SRGAP3: variants seen among roughly 807,000 people sequenced by gnomAD.
SRGAP3 encodes SLIT-ROBO Rho GTPase-activating protein 3.
SRGAP3 carries 39 observed loss-of-function variants against 121.1 expected under a neutral mutation model. That is an observed-to-expected ratio of 0.32 (90% confidence interval 0.25 to 0.42). SRGAP3 has a LOEUF of 0.42. Among genes scored for constraint, SRGAP3 ranks in the 10% least tolerant of loss-of-function variants. The probability of loss-of-function intolerance (pLI) is 1.00; values close to 1 mark genes in which losing one functional copy is unlikely to be tolerated. For missense variants in SRGAP3, 1,213 were observed against 1,470.6 expected, an observed-to-expected ratio of 0.82 and a Z score of 2.86; for synonymous variants, 601 against 570.0, an observed-to-expected ratio of 1.05 and a Z score of -0.77.
intron 4 of SRGAP3, chr3:9,065,259 A>G (rs777729626): frequency 4.6e-5 from 7 of 152,116 alleles, no homozygotes; most frequent in Non-Finnish European, 1.0e-4. Context: ...TTGCTACTCT[A>G]CTTCCATAAT....
intron 1 of SRGAP3, among the ~76,000 whole-genome samples, chr3:9,204,880 T>C (rs1952208055): frequency 6.6e-6 from 1 of 152,222 alleles, no homozygotes; most frequent in African/African-American, 2.4e-5. Context: ...AACCGCCCTT[T>C]GTGGAGGCAG....
At chr3:9,029,989 AAAT>A (rs200924981) in intron 12 of SRGAP3, among the ~76,000 whole-genome samples, 20 of 147,396 alleles carry the variant, frequency 1.4e-4, no homozygotes, top group East Asian at 6.2e-4. Context: ...AAAAAAAAAA[AAAT>A]TATTTTTTAA....
chr3:9,063,124 CTTTTTT>C (rs766958753), intron 5 of SRGAP3, among the ~76,000 whole-genome samples: 7 of 80,016 alleles, frequency 8.7e-5, no homozygotes, highest in East Asian at 6.8e-4. Flanking sequence ...TAGAGACAAT[CTTTTTT>C]TTTTTTTTTT....
In SRGAP3 at chr3:8,983,759, T is replaced by G. The variant is rs929687030; in HGVS notation, c.*1760A>C. ...GTGTACACAGCTTGCTCACTGATGT[T>G]TGACCTTTATTACCCTATTTTATGG... On this transcript the variant is annotated 3_prime_UTR_variant, in exon 22 of 22. Coordinates refer to ENST00000383836, the MANE Select transcript of SRGAP3 (RefSeq NM_014850.4). The G allele has an allele frequency of 4.3e-6, 1 of 230,406 alleles. No homozygotes were observed. Among genetic ancestry groups the G allele is most frequent in the Admixed American group, 5.7e-5 (1 of 17,698 alleles). 14.3% of individuals were successfully genotyped at this position (230,406 alleles called of 1,614,324 possible).
At chr3:9,290,012 G>A (rs1237386333) in intron 3 of SRGAP3, among the ~76,000 whole-genome samples, 2 of 152,168 alleles carry the variant, frequency 1.3e-5, no homozygotes, top group Admixed American at 1.3e-4. Context: ...TCAGGAGGCT[G>A]AGACAGGAGA....
In SRGAP3 at chr3:8,985,963, G is replaced by C; in HGVS notation, c.2887-31C>G. The C allele has an allele frequency of 6.3e-7, 1 of 1,599,596 alleles. No individual in the cohort carries two copies. Among genetic ancestry groups the C allele is most frequent in the Non-Finnish European group, 8.5e-7 (1 of 1,179,898 alleles). On this transcript the variant is annotated intron_variant, in intron 21 of 21. Transcript: ENST00000383836. This position sits in a 1 kb window ranked among gnomAD's most constrained non-coding sequence, Gnocchi z 5.1. Reference sequence around the variant, plus strand: ...GACAGAGGGAGCTGGGGTCAGCACAGTCTGGAGACCTGGAGTCAGGTCCTT... The same window carrying C: ...GACAGAGGGAGCTGGGGTCAGCACACTCTGGAGACCTGGAGTCAGGTCCTT...
chr3:9,281,041 A>T (rs1455984398), intron 3 of SRGAP3, among the ~76,000 whole-genome samples: 2 of 152,162 alleles, frequency 1.3e-5, no homozygotes, highest in Non-Finnish European at 2.9e-5. Context: ...TCTAGGATTC[A>T]GTGGCAAAAT....
chr3:9,172,084 TTTTC>T (rs1474934946), intron 1 of SRGAP3, among the ~76,000 whole-genome samples: 2 of 109,370 alleles, frequency 1.8e-5, no homozygotes, highest in African/African-American at 5.5e-5. Context: ...CCAAATGACT[TTTTC>T]TTTTCTTTTT....
chr3:9,181,694 C>T (rs1330061743), intron 1 of SRGAP3, among the ~76,000 whole-genome samples: 1 of 152,182 alleles, frequency 6.6e-6, no homozygotes, highest in African/African-American at 2.4e-5. Flanking sequence ...CTGGTGCCCC[C>T]GCTCTTCTGG....
chr3:9,361,435 G>GGTTTT (rs752119347), intron 1 of SRGAP3, among the ~76,000 whole-genome samples: 2 of 152,092 alleles, frequency 1.3e-5, no homozygotes, highest in South Asian at 2.1e-4. Context: ...TGTTCTTTTT[G>GGTTTT]GTTTTGTTTT....
chr3:9,231,113 T>C (rs1006913632), intron 1 of SRGAP3, among the ~76,000 whole-genome samples: 1 of 152,174 alleles, frequency 6.6e-6, no homozygotes, highest in African/African-American at 2.4e-5. Flanking sequence ...GTTTTCCCAC[T>C]TCCAGGGGAA....
At chr3:9,051,683 T>A (rs921708421) in intron 9 of SRGAP3, among the ~76,000 whole-genome samples, 1 of 150,178 alleles carries the variant, frequency 6.7e-6, no homozygotes, top group South Asian at 2.1e-4. Flanking sequence ...GTACCCGGTA[T>A]AGAAGGGGTG....
intron 3 of SRGAP3, among the ~76,000 whole-genome samples, chr3:9,297,672 G>A (rs1403889823): frequency 6.6e-6 from 1 of 152,066 alleles, no homozygotes; most frequent in East Asian, 1.9e-4. Flanking sequence ...GAGGCAGATG[G>A]ATCACTTGAG....
At chr3:9,314,136 T>C (rs1955302916) in intron 3 of SRGAP3, among the ~76,000 whole-genome samples, 1 of 152,246 alleles carries the variant, frequency 6.6e-6, no homozygotes, top group Non-Finnish European at 1.5e-5. Context: ...GATAAATAGC[T>C]ATTGAATGAA....
At chr3:9,015,501 T>G in intron 15 of SRGAP3, 96 bp downstream of exon 15, 1 of 1,518,388 alleles carries the variant, frequency 6.6e-7, no homozygotes, top group Admixed American at 1.7e-5. Flanking sequence ...CCTTTCATAA[T>G]GTCCCTCCTC....
At chr3:9,095,234 G>C (rs868242103) in intron 3 of SRGAP3, among the ~76,000 whole-genome samples, 2 of 151,608 alleles carry the variant, frequency 1.3e-5, no homozygotes, top group Non-Finnish European at 1.5e-5. Flanking sequence ...CCTTGTCTTG[G>C]CCATATTTTC....
intron 9 of SRGAP3, chr3:9,049,594 C>G: frequency 4.6e-6 from 2 of 431,188 alleles, no homozygotes; most frequent in Non-Finnish European, 9.3e-6. Flanking sequence ...CAGTGTTTCT[C>G]CAAGTGTGGG....
intron 3 of SRGAP3, among the ~76,000 whole-genome samples, chr3:9,319,697 G>A (rs942335911): frequency 6.6e-6 from 1 of 151,828 alleles, no homozygotes; most frequent in African/African-American, 2.4e-5. Context: ...ACTAGATTAG[G>A]AGTCAGGAAT....
At chr3:9,047,994 C>T (rs1945375705) in intron 9 of SRGAP3, among the ~76,000 whole-genome samples, 1 of 152,216 alleles carries the variant, frequency 6.6e-6, no homozygotes, top group Non-Finnish European at 1.5e-5. Context: ...GAGGCTTTCC[C>T]ATTAAAATAA....
Sources: gnomAD v4.1 joint callset for allele counts (sites outside exome capture counted in the v4.1 genomes callset) on GRCh38, gnomAD v4.1.1 for gene constraint, Gnocchi (gnomAD v3.1) non-coding constraint, MANE v1.5 for transcripts, NCBI Gene and HGNC (gene_info 2026-07-23, HGNC 2026-07-21) for gene names.